NFE2L2: variants seen among roughly 807,000 people sequenced by gnomAD.
NFE2L2 encodes nuclear factor erythroid 2-related factor 2.
NFE2L2 carries 20 observed loss-of-function variants against 49.6 expected under a neutral mutation model. The observed-to-expected ratio is 0.40, with a 90% CI of 0.28 to 0.59. The LOEUF (loss-of-function observed/expected upper bound fraction) is 0.59, where lower values mean the gene tolerates loss of function less well. NFE2L2 is among the 20% of genes least tolerant of loss of function. The pLI is 0.40. For synonymous variants in NFE2L2, 244 were observed against 256.5 expected (o/e 0.95, Z 0.47); for missense variants, 578 against 714.2 (o/e 0.81, Z 2.17).
At position 177,264,395 on chromosome 2, in the gene NFE2L2, T is replaced by C. The variant is rs1318243603; in HGVS notation, c.45+137A>G. ...CCTGCCCCGGCGCAAGCGCGGCGGC[T>C]CTACCCAGCGCCGCGGTCCTGGCTC... On this transcript the variant is annotated intron_variant, in intron 1 of 4. Transcript: ENST00000397062. 68 of 855,216 alleles carry C rather than the reference T, an allele frequency of 8.0e-5. 2 individuals are homozygous for C. In the South Asian group the frequency reaches 1.2e-3, roughly 15 times the overall value. The allele number at this position is 855,216 out of a possible 1,614,324, so 53.0% of individuals were successfully genotyped here.
At chr2:177,241,909 G>A (rs959491985) in intron 1 of NFE2L2, among the ~76,000 whole-genome samples, 6 of 152,114 alleles carry the variant, frequency 3.9e-5, no homozygotes, top group Non-Finnish European at 7.4e-5. Context: ...CCTTGCAGTC[G>A]TAATCCTTAT....
intron 1 of NFE2L2, among the ~76,000 whole-genome samples, chr2:177,241,242 A>T (rs190738455): frequency 1.2e-3 from 178 of 152,226 alleles, no homozygotes; most frequent in African/African-American, 3.5e-3. Flanking sequence ...ATTTCCATTT[A>T]AAAAAAATCT....
chr2:177,257,980 C>T (rs941183144), intron 1 of NFE2L2, among the ~76,000 whole-genome samples: 5 of 152,252 alleles, frequency 3.3e-5, no homozygotes, highest in Admixed American at 6.5e-5. Context: ...AGGGCACTGG[C>T]TCTCAAACCT....
At position 177,233,234 on chromosome 2, in the gene NFE2L2, T is replaced by C. The variant is rs1689622719; in HGVS notation, c.402+16A>G. ...TGATGGAGTTTTTCTATTAACCAGG[T>C]TATTTTATACCTCACCTCATTGTCA... is the stretch of plus-strand genomic sequence containing the variant. On this transcript the variant is annotated intron_variant, in intron 3 of 4. Coordinates refer to ENST00000397062, the MANE Select transcript of NFE2L2 (RefSeq NM_006164.5). 1 of 1,570,040 alleles carries C rather than the reference T, an allele frequency of 6.4e-7. No individual in the cohort carries two copies. Among genetic ancestry groups the C allele is most frequent in the Non-Finnish European group, 8.6e-7 (1 of 1,163,824 alleles).
intron 1 of NFE2L2, among the ~76,000 whole-genome samples, chr2:177,262,840 G>C (rs1690788986): frequency 3.9e-5 from 6 of 152,142 alleles, no homozygotes; most frequent in Admixed American, 3.9e-4. Flanking sequence ...GATAACTCTT[G>C]AACAGCAGCT....
At chr2:177,233,193 T>A (rs1446588685) in intron 3 of NFE2L2, 57 bp downstream of exon 3, 4 of 1,366,552 alleles carry the variant, frequency 2.9e-6, no homozygotes, top group Non-Finnish European at 3.0e-6. Context: ...TAGAATAGAT[T>A]GTTATTTTAT....
At chr2:177,247,416 C>G (rs1404322626) in intron 1 of NFE2L2, among the ~76,000 whole-genome samples, 1 of 152,118 alleles carries the variant, frequency 6.6e-6, no homozygotes, top group Non-Finnish European at 1.5e-5. Flanking sequence ...AATCCCAGCA[C>G]TTTGGGAGGC....
chr2:177,240,703 A>G (rs1308956704), intron 1 of NFE2L2, among the ~76,000 whole-genome samples: 2 of 152,194 alleles, frequency 1.3e-5, no homozygotes, highest in Non-Finnish European at 2.9e-5. Context: ...ATTAACTCAT[A>G]CCACTTTAAA....
intron 1 of NFE2L2, chr2:177,256,025 T>G (rs574271001): frequency 6.5e-6 from 1 of 154,734 alleles, no homozygotes; most frequent in Non-Finnish European, 1.5e-5. Context: ...CTACCAGGAA[T>G]TTTAATGGTT....
intron 1 of NFE2L2, among the ~76,000 whole-genome samples, chr2:177,257,090 T>C (rs892348028): frequency 2.6e-5 from 4 of 152,268 alleles, no homozygotes. Flanking sequence ...AAAGTGGGAC[T>C]TTATCAGGCA....
In NFE2L2 at chr2:177,234,986, C is replaced by G. The variant is rs964968375; in HGVS notation, c.46-715G>C. 6.6e-5 allele frequency among the ~76,000 whole-genome samples: 10 copies of G among 152,020 alleles called. No individual in the cohort carries two copies. The South Asian group carries it at 1.5e-3, about 22-fold the overall frequency. ...CAAAAATCAGCCGGGTGTGGTGGTA[C>G]GTGCCTGTAATCCCAGCTACTCAGG... On this transcript the variant is annotated intron_variant, in intron 1 of 4. Transcript: ENST00000397062.
intron 1 of NFE2L2, among the ~76,000 whole-genome samples, chr2:177,237,605 G>A (rs1015293501): frequency 6.6e-6 from 1 of 152,092 alleles, no homozygotes; most frequent in Non-Finnish European, 1.5e-5. Context: ...TGCAACTTCC[G>A]CCTCCAGGGT....
chr2:177,230,794 C>T lies in NFE2L2; in HGVS notation c.1809G>A (p.Lys603=), dbSNP rs558313759. ...LVPKSKKPDV[K]KN ...TCAAATCCTCCTAAATCTAGTTTTT[C>T]TTAACATCTGGCTTCTTACTTTTGG... The change falls in exon 5 of 5, where the codon AAG becomes AAA. Residue 603 remains lysine (K), a synonymous_variant. Coordinates refer to ENST00000397062, the MANE Select transcript of NFE2L2 (RefSeq NM_006164.5). 2.7e-5 allele frequency: 43 copies of T among 1,578,302 alleles called. No individual in the cohort carries two copies. In the South Asian group the frequency reaches 3.2e-4, roughly 12 times the overall value.
chr2:177,232,651 A>G, intron 3 of NFE2L2, 68 bp from the exon 4 acceptor site: 1 of 1,476,158 alleles, frequency 6.8e-7, no homozygotes, highest in Non-Finnish European at 9.3e-7. Context: ...CTAAGGCACC[A>G]CTACAAAACA....
intron 1 of NFE2L2, among the ~76,000 whole-genome samples, chr2:177,234,878 G>A (rs1056402122): frequency 2.0e-5 from 3 of 152,108 alleles, no homozygotes; most frequent in African/African-American, 7.2e-5. Context: ...CACTTTGGGA[G>A]GCCAAGGTGG....
At position 177,232,695 on chromosome 2, in the gene NFE2L2, C is replaced by T. The variant is rs1351174514; in HGVS notation, c.403-112G>A. On this transcript the variant is annotated intron_variant, in intron 3 of 4. Transcript: ENST00000397062. Reference sequence around the variant, plus strand: ...TCAGCTGCAGTTCTGTGTCTCTCTACTTACTAACCAGTCATGACCCCGTTT... The same window carrying T: ...TCAGCTGCAGTTCTGTGTCTCTCTATTTACTAACCAGTCATGACCCCGTTT... 9 of 1,021,168 alleles carry T rather than the reference C, an allele frequency of 8.8e-6. No homozygotes were observed. In the East Asian group the frequency reaches 1.8e-4, roughly 21 times the overall value. The allele number at this position is 1,021,168 out of a possible 1,614,324, so 63.3% of individuals were successfully genotyped here. A position where few individuals can be genotyped will look rare whatever the true frequency, so the allele number is the denominator to read the frequency against.
intron 1 of NFE2L2, among the ~76,000 whole-genome samples, chr2:177,259,793 G>C (rs1013001197): frequency 6.6e-6 from 1 of 152,056 alleles, no homozygotes; most frequent in Non-Finnish European, 1.5e-5. Context: ...TTAGCCAGGC[G>C]TGGTGGCGGG....
intron 2 of NFE2L2, chr2:177,233,581 T>C (rs1574259668): frequency 1.9e-6 from 1 of 534,800 alleles, no homozygotes. Context: ...CAGTTGCTCA[T>C]CGTAGATAAA....
chr2:177,232,450 C>A lies in NFE2L2; in HGVS notation c.536G>T (p.Gly179Val). The change falls in exon 4 of 5, where the codon GGT becomes GTT. Residue 179 changes from glycine (G) to valine (V), a missense_variant. Coordinates refer to ENST00000397062, the MANE Select transcript of NFE2L2 (RefSeq NM_006164.5). ...AACTTGCTCAATGTCCTGTTGCATACCGTCTAAATCAACAGGGGCTACCTG... is the reference window on the plus strand; with the variant it reads ...AACTTGCTCAATGTCCTGTTGCATAACGTCTAAATCAACAGGGGCTACCTG... ...VAQVAPVDLD[G>V]MQQDIEQVWE... The A allele has an allele frequency of 6.2e-7, 1 of 1,614,100 alleles. No homozygotes were observed. Among genetic ancestry groups the A allele is most frequent in the Non-Finnish European group, 8.5e-7 (1 of 1,179,974 alleles).
Sources: allele counts gnomAD v4.1 joint callset (sites outside exome capture counted in the v4.1 genomes callset), GRCh38; gene constraint gnomAD v4.1.1; transcripts MANE v1.5; gene names NCBI Gene and HGNC (gene_info 2026-07-23, HGNC 2026-07-21).